Variants in LINGO2 observed in about 807,000 individuals in gnomAD.
The protein encoded by LINGO2 is leucine-rich repeat and immunoglobulin-like domain-containing nogo receptor-interacting protein 2.
In LINGO2, 14 loss-of-function variants were observed where a neutral mutation model predicts 30.6. The ratio of observed to expected loss-of-function variants is 0.46; its 90% CI spans 0.30 to 0.72. LINGO2 has a LOEUF of 0.72. Ranked by LOEUF, LINGO2 falls within the 30% of genes least tolerant of loss-of-function variation. The pLI is 0.07. For synonymous variants in LINGO2, 317 were observed against 288.5 expected, an observed-to-expected ratio of 1.10 and a Z score of -1.00; for missense variants, 729 against 751.7, an observed-to-expected ratio of 0.97 and a Z score of 0.35.
chr9:28,054,189 A>G (rs1210747582), intron 4 of LINGO2, among the ~76,000 whole-genome samples: 3 of 152,118 alleles, frequency 2.0e-5, no homozygotes, highest in Non-Finnish European at 4.4e-5. Context: ...AGGCATTAGG[A>G]GAAATCTTAA....
the LINGO2 span, among the ~76,000 whole-genome samples, chr9:29,141,443 A>T: frequency 6.6e-6 from 1 of 152,030 alleles, no homozygotes; most frequent in Non-Finnish European, 1.5e-5. Context: ...GAAAGGAATC[A>T]AAACATATGA....
At chr9:28,015,163 G>A (rs770601207) in intron 4 of LINGO2, among the ~76,000 whole-genome samples, 5 of 152,112 alleles carry the variant, frequency 3.3e-5, no homozygotes, top group Admixed American at 1.3e-4. Flanking sequence ...TTAACAAAAT[G>A]GAAATATATT....
intron 1 of LINGO2, among the ~76,000 whole-genome samples, chr9:28,566,690 T>A (rs1012220419): frequency 2.6e-5 from 4 of 152,166 alleles, no homozygotes; most frequent in African/African-American, 9.6e-5. Context: ...GATTGGCTAA[T>A]AAAATGAAAG....
At chr9:28,357,463 A>C (rs943401744) in intron 3 of LINGO2, among the ~76,000 whole-genome samples, 6 of 152,060 alleles carry the variant, frequency 3.9e-5, no homozygotes, top group African/African-American at 1.4e-4. Flanking sequence ...CATCATAGAC[A>C]TGTTGGTTTT....
At chr9:28,562,334 T>G (rs1454523248) in intron 1 of LINGO2, among the ~76,000 whole-genome samples, 1 of 151,830 alleles carries the variant, frequency 6.6e-6, no homozygotes, top group Non-Finnish European at 1.5e-5. Context: ...AAGGCTTTCC[T>G]GACCGCCAGT....
At chr9:29,127,191 C>T in the LINGO2 span, among the ~76,000 whole-genome samples, 34 of 152,220 alleles carry the variant, frequency 2.2e-4, no homozygotes, top group East Asian at 2.7e-3. Context: ...CAGCCACTTG[C>T]TCAAGCGTGT....
At chr9:28,413,902 T>C (rs1026522498) in intron 2 of LINGO2, among the ~76,000 whole-genome samples, 1 of 152,040 alleles carries the variant, frequency 6.6e-6, no homozygotes, top group African/African-American at 2.4e-5. Context: ...AGAGAGGCTG[T>C]AAAAATATAA....
intron 1 of LINGO2, among the ~76,000 whole-genome samples, chr9:28,485,169 A>T (rs1826122016): frequency 6.6e-6 from 1 of 152,180 alleles, no homozygotes; most frequent in South Asian, 2.1e-4. Flanking sequence ...GTCTTTGATT[A>T]CAATTTGACC....
At chr9:28,583,049 G>A (rs1488881634) in intron 1 of LINGO2, among the ~76,000 whole-genome samples, 1 of 151,924 alleles carries the variant, frequency 6.6e-6, no homozygotes, top group Non-Finnish European at 1.5e-5. Context: ...AAATGCTTTT[G>A]AAGTTATTTG....
At chr9:28,214,971 T>C (rs1162973129) in intron 4 of LINGO2, among the ~76,000 whole-genome samples, 2 of 151,758 alleles carry the variant, frequency 1.3e-5, no homozygotes, top group African/African-American at 4.8e-5. Flanking sequence ...ACATGTTCTG[T>C]ACATCCTTCT....
chr9:28,553,649 G>A (rs563804516), intron 1 of LINGO2, among the ~76,000 whole-genome samples: 1,818 of 151,854 alleles, frequency 0.012, 40 homozygotes, highest in African/African-American at 0.042. Flanking sequence ...TACAGAGAAC[G>A]CCACAAAGAT....
chr9:28,994,716 A>T, the LINGO2 span, among the ~76,000 whole-genome samples: 2 of 152,272 alleles, frequency 1.3e-5, no homozygotes, highest in South Asian at 2.1e-4. Context: ...ATAGCGCCGC[A>T]TATCTGCAAC....
At position 28,051,039 on chromosome 9, in the gene LINGO2, T is replaced by C. The variant is rs376704718; in HGVS notation, c.-86-38634A>G. Among the ~76,000 whole-genome samples, 20 of 151,070 alleles carry C rather than the reference T, an allele frequency of 1.3e-4. 2 individuals are homozygous for C. The highest frequency in any genetic ancestry group is 4.6e-4 in the African/African-American group (19 of 40,964). On this transcript the variant is annotated intron_variant, in intron 4 of 5. Transcript: ENST00000379992. ...AAGTTCTGTTTTTAGCTAACCTCTT[T>C]CTCAGTTCCAGCTTTTAGCTAACTC...
intron 3 of LINGO2, among the ~76,000 whole-genome samples, chr9:28,369,138 C>A (rs1279110124): frequency 6.6e-6 from 1 of 152,078 alleles, no homozygotes; most frequent in African/African-American, 2.4e-5. Context: ...TCTCTCATTT[C>A]TGGGCATTTC....
chr9:28,911,918 C>T, the LINGO2 span, among the ~76,000 whole-genome samples: 1 of 152,190 alleles, frequency 6.6e-6, no homozygotes, highest in African/African-American at 2.4e-5. Context: ...TTTCATCTTA[C>T]TCAGCAGCCA....
At chr9:28,847,798 GTATAGTA>G in the LINGO2 span, among the ~76,000 whole-genome samples, 5 of 127,430 alleles carry the variant, frequency 3.9e-5, no homozygotes, top group Non-Finnish European at 6.4e-5. Flanking sequence ...ACACATATAT[GTATAGTA>G]TATATGTATA....
intron 5 of LINGO2, among the ~76,000 whole-genome samples, chr9:27,986,185 C>T (rs938283573): frequency 1.3e-5 from 2 of 151,018 alleles, no homozygotes; most frequent in Non-Finnish European, 3.0e-5. Context: ...CCAGAGAAGA[C>T]AGAAAAGAGA....
chr9:28,896,784 A>G, the LINGO2 span, among the ~76,000 whole-genome samples: 2 of 152,150 alleles, frequency 1.3e-5, no homozygotes, highest in Non-Finnish European at 2.9e-5. Flanking sequence ...AGAATAATAC[A>G]TAATAATTTA....
intron 1 of LINGO2, among the ~76,000 whole-genome samples, chr9:28,657,588 T>G (rs181401491): frequency 1.4e-4 from 22 of 152,140 alleles, no homozygotes; most frequent in African/African-American, 5.3e-4. Context: ...TGATGTAAAA[T>G]AAGTAGTAAT....
Sources: gnomAD v4.1 joint callset for allele counts (sites outside exome capture counted in the v4.1 genomes callset) on GRCh38, gnomAD v4.1.1 for gene constraint, MANE v1.5 for transcripts, NCBI Gene and HGNC (gene_info 2026-07-23, HGNC 2026-07-21) for gene names.